Variants in PIK3C2B observed in about 807,000 individuals in gnomAD.
The protein encoded by PIK3C2B is phosphatidylinositol 4-phosphate 3-kinase C2 domain-containing subunit beta.
A neutral mutation model predicts 184.3 loss-of-function variants in PIK3C2B; 83 were observed. The observed-to-expected ratio is 0.45, with a 90% CI of 0.38 to 0.54. PIK3C2B has a LOEUF of 0.54. PIK3C2B is among the 20% of genes least tolerant of loss of function. The probability of loss-of-function intolerance (pLI) is 0.00; values close to 1 mark genes in which losing one functional copy is unlikely to be tolerated. For missense variants in PIK3C2B, 1,736 were observed against 2,113.5 expected (o/e 0.82, Z 3.50); for synonymous variants, 779 against 837.6 (o/e 0.93, Z 1.21).
At chr1:204,489,742 T>C (rs1293863817) in intron 1 of PIK3C2B, 1 of 394,206 alleles carries the variant, frequency 2.5e-6, no homozygotes, top group Non-Finnish European at 4.5e-6. Flanking sequence ...GAGACGTCAA[T>C]AGTTGAAGGG....
intron 8 of PIK3C2B, 120 bp from the exon 9 acceptor site, chr1:204,457,994 C>T: frequency 1.2e-6 from 1 of 803,364 alleles, no homozygotes; most frequent in Non-Finnish European, 1.9e-6. Flanking sequence ...TCATGATCCT[C>T]AGGGGTAAAT....
rs111447598 is a variant in PIK3C2B at position 204,486,100 on chromosome 1, A to C, written c.-85+8256T>G. Among the ~76,000 whole-genome samples the C allele has an allele frequency of 9.4e-3, 1,438 of 152,298 alleles. 20 individuals carry two copies. The highest frequency in any genetic ancestry group is 0.033 in the African/African-American group (1,362 of 41,546). ...GCACTTTTATAGACATTAGCCCACT[A>C]ATCTTAAGAATAATGCTGGCCATGG... is the stretch of plus-strand genomic sequence containing the variant. On this transcript the variant is annotated intron_variant, in intron 1 of 32. Coordinates refer to ENST00000684373, the MANE Select transcript of PIK3C2B (RefSeq NM_001377334.1).
In PIK3C2B at chr1:204,447,415, C is replaced by G. The variant is rs1365045785; in HGVS notation, c.2489+21G>C. On this transcript the variant is annotated intron_variant, in intron 15 of 32. Transcript: ENST00000684373. This position sits in a 1 kb window ranked among gnomAD's most constrained non-coding sequence, Gnocchi z 4.1. ...GAGGTCAGATGAAACATGACAGATT[C>G]AGTGGGGGCCCGGGTCTCACCAGTA... 1 of 1,606,624 alleles carries G rather than the reference C, an allele frequency of 6.2e-7. No homozygotes were observed.
At chr1:204,426,951 CA>C (rs1674775333) in intron 31 of PIK3C2B, among the ~76,000 whole-genome samples, 2 of 152,142 alleles carry the variant, frequency 1.3e-5, no homozygotes, top group African/African-American at 4.8e-5. Flanking sequence ...GTCTAGCCAA[CA>C]TAGTGAAACC....
At chr1:204,473,111 A>AAAGGCTCAGATAGACTCTTGGGTGGC (rs1656425229) in intron 1 of PIK3C2B, among the ~76,000 whole-genome samples, 1 of 152,244 alleles carries the variant, frequency 6.6e-6, no homozygotes, top group African/African-American at 2.4e-5. Flanking sequence ...TCAATAGGAA[A>AAAGGCTCAGATAGACTCTTGGGTGGC]AAGGCTCAGA....
chr1:204,450,001 G>A lies in PIK3C2B; in HGVS notation c.2083C>T (p.Gln695Ter). The A allele has an allele frequency of 6.4e-7, 1 of 1,572,308 alleles. No individual in the cohort carries two copies. Among genetic ancestry groups the A allele is most frequent in the Non-Finnish European group, 8.6e-7 (1 of 1,158,078 alleles). ...GTCTCCCGAGGCAGCCGGTTCACCT[G>A]CACTGGGAAGCAGATCCTATGGAGG... The part of the protein sequence containing the change: ...VWDQQICFPV[Q>*]VNRLPRETLL... The change falls in exon 13 of 33, where the codon CAG (glutamine) becomes TAG (stop). Residue 695 changes from glutamine to a stop codon, truncating the protein, a stop_gained. Transcript: ENST00000684373. LOFTEE classifies it high-confidence loss of function.
chr1:204,481,692 G>T (rs1657165092), intron 1 of PIK3C2B, among the ~76,000 whole-genome samples: 1 of 152,184 alleles, frequency 6.6e-6, no homozygotes, highest in Non-Finnish European at 1.5e-5. Context: ...GTTCCAGCAG[G>T]CTGAGGGCAC....
At chr1:204,475,137 G>T (rs1169233967) in intron 1 of PIK3C2B, among the ~76,000 whole-genome samples, 1 of 152,064 alleles carries the variant, frequency 6.6e-6, no homozygotes, top group African/African-American at 2.4e-5. Flanking sequence ...AGAACATCCT[G>T]AGGGCTCTTC....
intron 2 of PIK3C2B, 137 bp downstream of exon 2, chr1:204,468,733 C>T: frequency 4.1e-6 from 3 of 739,210 alleles, no homozygotes; most frequent in Non-Finnish European, 6.4e-6. Context: ...CCCACCAGGG[C>T]CAGGGTCCCA....
At chr1:204,478,964 A>C (rs1404292246) in intron 1 of PIK3C2B, among the ~76,000 whole-genome samples, 1 of 152,182 alleles carries the variant, frequency 6.6e-6, no homozygotes, top group Non-Finnish European at 1.5e-5. Context: ...ACACACATAG[A>C]ATCCTTGGAG....
rs1171247395 is a variant in PIK3C2B, at chr1:204,482,763, C to CA, written c.-85+11592dup. ...CGCGCCACTGCACTGCACTCTGTCT[C>CA]AAAAAAAAAAAAGAACTGAGAAACA... On this transcript the variant is annotated intron_variant, in intron 1 of 32. Transcript: ENST00000684373. 4.7e-3 allele frequency among the ~76,000 whole-genome samples: 650 copies of CA among 139,348 alleles called. 4 individuals carry two copies. Among genetic ancestry groups the CA allele is most frequent in the African/African-American group, 0.012 (459 of 37,992 alleles). 91.4% of individuals were successfully genotyped at this position (139,348 alleles called of 152,430 possible).
chr1:204,468,721 C>A, intron 2 of PIK3C2B, 149 bp downstream of exon 2: 1 of 672,780 alleles, frequency 1.5e-6, no homozygotes. Flanking sequence ...CCCTGGACCT[C>A]CCCCACCAGG....
chr1:204,474,250 C>T (rs1230359406), intron 1 of PIK3C2B, among the ~76,000 whole-genome samples: 2 of 152,146 alleles, frequency 1.3e-5, no homozygotes, highest in African/African-American at 4.8e-5. Flanking sequence ...CTCGGCCCCC[C>T]AAAGTGCTGG....
chr1:204,454,525 A>G (rs2103495735), intron 12 of PIK3C2B, 144 bp downstream of exon 12: 1 of 622,344 alleles, frequency 1.6e-6, no homozygotes. Context: ...GAGACTCAAG[A>G]GGTTGAATGA....
chr1:204,494,198 C>A lies in PIK3C2B; in HGVS notation c.-85+158G>T, dbSNP rs145684613. 2.8e-3 allele frequency among the ~76,000 whole-genome samples: 426 copies of A among 152,310 alleles called. 1 individual carries two copies. The highest frequency in any genetic ancestry group is 9.6e-3 in the African/African-American group (400 of 41,578). Reference sequence around the variant, plus strand: ...CAGGAGCTCAGGCTCCCACGGCGTCCGCCGCTCAGCCCGCCGCCAGGAACC... The same window carrying A: ...CAGGAGCTCAGGCTCCCACGGCGTCAGCCGCTCAGCCCGCCGCCAGGAACC... On this transcript the variant is annotated intron_variant, in intron 1 of 32. Transcript: ENST00000684373.
intron 28 of PIK3C2B, 64 bp downstream of exon 28, chr1:204,431,605 C>T: frequency 6.2e-7 from 1 of 1,600,290 alleles, no homozygotes; most frequent in Non-Finnish European, 8.6e-7. Context: ...CTGACCACCT[C>T]CCATCCCGTA....
At chr1:204,435,929 A>G (rs1675318341) in intron 23 of PIK3C2B, 1 of 152,200 alleles carries the variant, frequency 6.6e-6, no homozygotes, top group African/African-American at 2.4e-5. Flanking sequence ...CATAACGCGT[A>G]ACTCCCAGTC....
intron 3 of PIK3C2B, 24 bp downstream of exon 3, chr1:204,465,195 C>T (rs936097806): frequency 9.5e-6 from 7 of 740,114 alleles, no homozygotes; most frequent in South Asian, 6.7e-5. Context: ...CCTCCCAAAT[C>T]CCACCCCATT....
At chr1:204,485,041 C>CTT (rs541322931) in intron 1 of PIK3C2B, among the ~76,000 whole-genome samples, 1 of 138,396 alleles carries the variant, frequency 7.2e-6, no homozygotes, top group African/African-American at 2.7e-5. Flanking sequence ...GTCTTCCAGT[C>CTT]TTTTTTTTTT....
Sources: allele counts gnomAD v4.1 joint callset (sites outside exome capture counted in the v4.1 genomes callset), GRCh38; gene constraint gnomAD v4.1.1; non-coding constraint Gnocchi (gnomAD v3.1); transcripts MANE v1.5; gene names NCBI Gene and HGNC (gene_info 2026-07-23, HGNC 2026-07-21).